The following HIPK4 variants were observed in gnomAD, a reference collection of about 807,000 sequenced individuals.
HIPK4 encodes homeodomain interacting protein kinase 4.
HIPK4 carries 26 observed loss-of-function variants against 44.8 expected under a neutral mutation model. The observed-to-expected ratio is 0.58, with a 90% CI of 0.43 to 0.80. The LOEUF is 0.80. Among genes scored for constraint, HIPK4 ranks in the 30% least tolerant of loss-of-function variants. The pLI, the probability that HIPK4 is intolerant of heterozygous loss-of-function variation, is 0.00. For synonymous variants in HIPK4, 340 were observed against 355.5 expected (o/e 0.96, Z 0.49); for missense variants, 729 against 862.6 (o/e 0.85, Z 1.94).
chr19:40,383,034 A>G (rs377264774), intron 2 of HIPK4, among the ~76,000 whole-genome samples: 15 of 149,988 alleles, frequency 1.0e-4, no homozygotes, highest in East Asian at 1.0e-3. Flanking sequence ...GCAACAGATC[A>G]AGACTCCGTC....
At chr19:40,388,692 G>A (rs1039820851) in intron 1 of HIPK4, among the ~76,000 whole-genome samples, 1 of 152,232 alleles carries the variant, frequency 6.6e-6, no homozygotes, top group South Asian at 2.1e-4. Context: ...GATTAAGTCA[G>A]CCCCAGCCTT....
In HIPK4 at chr19:40,380,952, C is replaced by A; in HGVS notation, c.1039G>T (p.Val347Leu). The A allele has an allele frequency of 6.2e-7, 1 of 1,611,880 alleles. No homozygotes were observed. The highest frequency in any genetic ancestry group is 8.5e-7 in the Non-Finnish European group (1 of 1,179,138). ...SPSAALRHPF[V>L]SMQQLRSAHE... Reference sequence around the variant, plus strand: ...GCACTGCGCAGCTGCTGCATGGACACGAAGGGGTGGCGCAGGGCAGCACTG... The same window carrying A: ...GCACTGCGCAGCTGCTGCATGGACAAGAAGGGGTGGCGCAGGGCAGCACTG... Residue 347 changes from valine (V) to leucine (L), a missense_variant, in exon 3 of 4, where the codon GTG becomes TTG. By Grantham distance (32) the Val-to-Leu change is conservative. Coordinates refer to ENST00000291823, the MANE Select transcript of HIPK4 (RefSeq NM_144685.5). This position sits in a 1 kb window ranked among gnomAD's most constrained non-coding sequence, Gnocchi z 4.2.
rs780143562 is a variant in HIPK4, at chr19:40,379,699, AG to A, written c.1738del (p.Leu580TrpfsTer51). 2 of 1,605,362 alleles carry A rather than the reference AG, an allele frequency of 1.2e-6. No individual in the cohort carries two copies. On this transcript the variant is annotated frameshift_variant, in exon 4 of 4. Coordinates refer to ENST00000291823, the MANE Select transcript of HIPK4 (RefSeq NM_144685.5). LOFTEE classifies it high-confidence loss of function. Reference protein sequence around the residue: ...GEWLSEPDCTLESVRGPRAQG... With the variant: ...GEWLSEPDCTXESVRGPRAQG... ...AGCCCGTGGGCCCCTGACGCTCTCC[AG>A]GGTGCAGTCTGGCTCACTCAGCCAT... is the stretch of plus-strand genomic sequence containing the variant.
chr19:40,387,725 T>C (rs955526759), intron 1 of HIPK4, among the ~76,000 whole-genome samples: 1 of 152,060 alleles, frequency 6.6e-6, no homozygotes, highest in Admixed American at 6.6e-5. Context: ...GTGATCCACC[T>C]GCCTCAGCCT....
chr19:40,379,777 G>A lies in HIPK4; in HGVS notation c.1669-8C>T, dbSNP rs774289235. The A allele has an allele frequency of 6.2e-6, 10 of 1,605,362 alleles. No individual in the cohort carries two copies. The African/African-American group carries it at 1.2e-4, about 19-fold the overall frequency. The stretch of plus-strand genomic sequence containing the variant: ...GAGCTCAGGGTCTGGCCTCTGTGGG[G>A]GAAGAGAGAGGGGCATCAGCCAAGC... On this transcript the variant is annotated splice_region_variant and splice_polypyrimidine_tract_variant and intron_variant, in intron 3 of 3. Coordinates refer to ENST00000291823, the MANE Select transcript of HIPK4 (RefSeq NM_144685.5).
At position 40,383,803 on chromosome 19, in the gene HIPK4, C is replaced by G; in HGVS notation, c.802G>C (p.Asp268His). Residue 268 changes from aspartate to histidine, a missense_variant, in exon 2 of 4, where the codon GAC (aspartate) becomes CAC (histidine). This residue lies in a region of HIPK4 where 533 missense variants were observed against 567.5 expected (regional missense o/e 0.94). Transcript: ENST00000291823. ...CTTACCTTCGTCTCGGCCAGGTAGTCAGCCGAGGACTTGAGCTGCCAGGGG... is the reference window on the plus strand; with the variant it reads ...CTTACCTTCGTCTCGGCCAGGTAGTGAGCCGAGGACTTGAGCTGCCAGGGG... ...ANPWQLKSSA[D>H]YLAETKVRPL... 1 of 1,609,172 alleles carries G rather than the reference C, an allele frequency of 6.2e-7. No homozygotes were observed. The highest frequency in any genetic ancestry group is 8.5e-7 in the Non-Finnish European group (1 of 1,176,180).
Position 40,381,162 on chromosome 19 carries a change from G to C in HIPK4, c.829C>G (p.Pro277Ala). The change falls in exon 3 of 4, where the codon CCA (proline) becomes GCA (alanine). Residue 277 changes from proline (P) to alanine (A), a missense_variant. Physicochemically the swap from Pro to Ala is conservative, Grantham distance 27 (BLOSUM62 -1). Coordinates refer to ENST00000291823, the MANE Select transcript of HIPK4 (RefSeq NM_144685.5). ...AGCATATACTTGCGGCGCTCCAATG[G>C]GCGCACCTGGCGGGGCATGGAGAAG... ...ADYLAETKVR[P>A]LERRKYMLKS... 6.3e-7 allele frequency: 1 copy of C among 1,592,736 alleles called. No individual in the cohort carries two copies. Among genetic ancestry groups the C allele is most frequent in the South Asian group, 1.1e-5 (1 of 90,642 alleles).
chr19:40,387,935 A>T (rs1010697487), intron 1 of HIPK4, among the ~76,000 whole-genome samples: 1 of 149,582 alleles, frequency 6.7e-6, no homozygotes, highest in Non-Finnish European at 1.5e-5. Flanking sequence ...TCCCAAGTTC[A>T]AGTGAGTCTC....
chr19:40,388,323 T>TC (rs2079372710), intron 1 of HIPK4, among the ~76,000 whole-genome samples: 1 of 152,226 alleles, frequency 6.6e-6, no homozygotes. Context: ...TGGCCATCCC[T>TC]CACCTTTCAC....
intron 1 of HIPK4, 101 bp from the exon 2 acceptor site, chr19:40,384,240 C>G: frequency 3.6e-6 from 3 of 834,104 alleles, no homozygotes; most frequent in South Asian, 1.6e-5. Context: ...CCTGCATCTG[C>G]TATTTGACTC....
At position 40,379,652 on chromosome 19, in the gene HIPK4, A is replaced by G; in HGVS notation, c.1786T>C (p.Ser596Pro). 1 of 1,547,016 alleles carries G rather than the reference A, an allele frequency of 6.5e-7. No individual in the cohort carries two copies. The highest frequency in any genetic ancestry group is 8.7e-7 in the Non-Finnish European group (1 of 1,148,266). ...CCCCGGGGTGGACCATGCTGGTGGG[A>G]GCGGCGGGGTGGGAGCCCCTGAGCC... ...PRAQGLPPRRSHQHGPPRGAT... is the reference protein window; with the variant it reads ...PRAQGLPPRRPHQHGPPRGAT... The change falls in exon 4 of 4, where the codon TCC becomes CCC. Residue 596 changes from serine to proline, a missense_variant. This residue lies in a region of HIPK4 where 533 missense variants were observed against 567.5 expected (regional missense o/e 0.94). Transcript: ENST00000291823.
rs774325311 is a variant in HIPK4, at chr19:40,381,147, T to TG, written c.843dup (p.Lys282GlnfsTer11). ...TGGTCCAACGACTTGAGCATATACT[T>TG]GCGGCGCTCCAATGGGCGCACCTGG... On this transcript the variant is annotated frameshift_variant, in exon 3 of 4. Coordinates refer to ENST00000291823, the MANE Select transcript of HIPK4 (RefSeq NM_144685.5). LOFTEE classifies it high-confidence loss of function. 2.5e-6 allele frequency: 4 copies of TG among 1,599,924 alleles called. No homozygotes were observed. Among genetic ancestry groups the TG allele is most frequent in the Middle Eastern group, 3.3e-4 (2 of 6,058 alleles).
In HIPK4 at chr19:40,383,955, C is replaced by T. The variant is rs2079350592; in HGVS notation, c.650G>A (p.Gly217Asp). The change falls in exon 2 of 4, where the codon GGC (glycine) becomes GAC (aspartate). Residue 217 changes from glycine to aspartate, a missense_variant. Transcript: ENST00000291823. ...GCGCACCTGGTCGTACTCGTTGTTG[C>T]CGGGGTAGAGAGGCCAGCCCAGGTG... Reference protein sequence around the residue: ...ELHLGWPLYPGNNEYDQVRYI... With the variant: ...ELHLGWPLYPDNNEYDQVRYI... 1 of 1,614,122 alleles carries T rather than the reference C, an allele frequency of 6.2e-7. No homozygotes were observed. Among genetic ancestry groups the T allele is most frequent in the Non-Finnish European group, 8.5e-7 (1 of 1,180,012 alleles).
chr19:40,388,452 A>G (rs1599646047), intron 1 of HIPK4, among the ~76,000 whole-genome samples: 1 of 152,152 alleles, frequency 6.6e-6, no homozygotes, highest in Admixed American at 6.5e-5. Flanking sequence ...TGTGGAATGA[A>G]TTCATTCCTT....
chr19:40,388,150 T>C (rs2079371901), intron 1 of HIPK4, among the ~76,000 whole-genome samples: 1 of 151,842 alleles, frequency 6.6e-6, no homozygotes, highest in Non-Finnish European at 1.5e-5. Context: ...CTGGAGTAGC[T>C]AGGATTACAG....
In HIPK4 at chr19:40,381,177, G is replaced by T; in HGVS notation, c.823-9C>A. 1.3e-6 allele frequency: 2 copies of T among 1,586,272 alleles called. No homozygotes were observed. Among genetic ancestry groups the T allele is most frequent in the Admixed American group, 1.7e-5 (1 of 59,544 alleles). ...CGCTCCAATGGGCGCACCTGGCGGG[G>T]CATGGAGAAGGGGGCAGGGTTGACC... On this transcript the variant is annotated splice_polypyrimidine_tract_variant and intron_variant, in intron 2 of 3. Transcript: ENST00000291823.
chr19:40,380,215 GGTGA>G lies in HIPK4; in HGVS notation c.1668+104_1668+107del, dbSNP rs2079324909. 1.5e-6 allele frequency: 2 copies of G among 1,378,824 alleles called. No individual in the cohort carries two copies. Among genetic ancestry groups the G allele is most frequent in the African/African-American group, 1.4e-5 (1 of 69,468 alleles). 85.4% of individuals were successfully genotyped at this position (1,378,824 alleles called of 1,614,324 possible). ...AGTCCCTAATTGTATCCTGAACATG[GGTGA>G]GTGTGTGTTGAGCCTCCTCACACAC... On this transcript the variant is annotated intron_variant, in intron 3 of 3. Coordinates refer to ENST00000291823, the MANE Select transcript of HIPK4 (RefSeq NM_144685.5). The surrounding 1 kb of genome is among the most constrained non-coding windows in gnomAD (Gnocchi z 4.2).
chr19:40,383,911 C>T lies in HIPK4; in HGVS notation c.694G>A (p.Gly232Ser), dbSNP rs1017465649. The T allele has an allele frequency of 6.2e-7, 1 of 1,613,986 alleles. No homozygotes were observed. Among genetic ancestry groups the T allele is most frequent in the African/African-American group, 1.3e-5 (1 of 74,910 alleles). The change falls in exon 2 of 4, where the codon GGC (glycine) becomes AGC (serine). Residue 232 changes from glycine (G) to serine (S), a missense_variant. Physicochemically the swap from Gly to Ser is moderately conservative, Grantham distance 56. Coordinates refer to ENST00000291823, the MANE Select transcript of HIPK4 (RefSeq NM_144685.5). Reference protein sequence around the residue: ...DQVRYICETQGLPKPHLLHAA... With the variant: ...DQVRYICETQSLPKPHLLHAA... ...TGCAACAGGTGTGGCTTGGGCAGGC[C>T]CTGGGTTTCGCAGATGTAGCGCACC...
In HIPK4 at chr19:40,379,449, T is replaced by G; in HGVS notation, c.*138A>C. On this transcript the variant is annotated 3_prime_UTR_variant, in exon 4 of 4. Transcript: ENST00000291823. ...CACGCACCGCACCGCAGACGGGGAA[T>G]GAGAATTTCTGGATAACTATCTTTC... 110 of 777,774 alleles carry G rather than the reference T, an allele frequency of 1.4e-4. No homozygotes were observed. Among genetic ancestry groups the G allele is most frequent in the Non-Finnish European group, 1.9e-4 (99 of 512,404 alleles). The allele number at this position is 777,774 out of a possible 1,614,324, so 48.2% of individuals were successfully genotyped here.
Sources: gnomAD v4.1 joint callset for allele counts (sites outside exome capture counted in the v4.1 genomes callset) on GRCh38, gnomAD v4.1.1 for gene constraint, gnomAD v4.1.1 regional missense constraint, Gnocchi (gnomAD v3.1) non-coding constraint, MANE v1.5 for transcripts, NCBI Gene and HGNC (gene_info 2026-07-23, HGNC 2026-07-21) for gene names.